Variants in ZNF879 observed in about 807,000 individuals in gnomAD.
ZNF879 encodes zinc finger protein 879.
A neutral mutation model predicts 44.3 loss-of-function variants in ZNF879; 32 were observed. That is an observed-to-expected ratio of 0.72 (90% CI 0.54 to 0.97). The LOEUF is 0.97. Among genes scored for constraint, ZNF879 ranks in the 50% least tolerant of loss-of-function variants. The probability of loss-of-function intolerance (pLI) is 0.00; values close to 1 mark genes in which losing one functional copy is unlikely to be tolerated. For synonymous variants in ZNF879, 234 were observed against 233.2 expected (o/e 1.00, Z -0.03); for missense variants, 621 against 669.7 (o/e 0.93, Z 0.80).
Position 179,032,516 on chromosome 5 carries a change from G to C in ZNF879, c.568G>C (p.Val190Leu). The change falls in exon 5 of 5, where the codon GTT (valine) becomes CTT (leucine). Residue 190 changes from valine to leucine, a missense_variant. Transcript: ENST00000444149. ...GRRPRSQQYS[V>L]LFKQLGVNTV... ...GAGACCCCGTTCACAGCAGTATTCA[G>C]TTCTCTTTAAACAACTGGGGGTCAA... 1 of 1,551,716 alleles carries C rather than the reference G, an allele frequency of 6.4e-7. No homozygotes were observed. Among genetic ancestry groups the C allele is most frequent in the Non-Finnish European group, 8.7e-7 (1 of 1,146,990 alleles).
Position 179,032,899 on chromosome 5 carries a change from G to A in ZNF879, c.951G>A (p.Lys317=), listed in dbSNP as rs551542581. ...TTCACACAGGAGAGAAGCCCTATAA[G>A]TGTAATGAATGTGGGAGGGCCTTCA... ...QRIHTGEKPY[K]CNECGRAFSQ... is the part of the protein sequence containing the mutation. Residue 317 remains lysine, a synonymous_variant, in exon 5 of 5, where the codon AAG becomes AAA. Coordinates refer to ENST00000444149, the MANE Select transcript of ZNF879 (RefSeq NM_001136116.3). 6.4e-7 allele frequency: 1 copy of A among 1,570,914 alleles called. No individual in the cohort carries two copies. Among genetic ancestry groups the A allele is most frequent in the South Asian group, 1.2e-5 (1 of 85,722 alleles).
intron 4 of ZNF879, 59 bp downstream of exon 4, chr5:179,028,186 G>C: frequency 6.8e-7 from 1 of 1,473,988 alleles, no homozygotes; most frequent in Non-Finnish European, 9.3e-7. Flanking sequence ...AGGGCACAGC[G>C]AGGAGGCTGC....
At position 179,032,454 on chromosome 5, in the gene ZNF879, C is replaced by T. The variant is rs879127533; in HGVS notation, c.506C>T (p.Ser169Leu). Residue 169 changes from serine to leucine, a missense_variant, in exon 5 of 5, where the codon TCG (serine) becomes TTG (leucine). Ser to Leu is a moderately radical substitution (Grantham distance 145). Transcript: ENST00000444149. The stretch of plus-strand genomic sequence containing the variant: ...GGGAAAAATCTTGGTCTAAAATCAT[C>T]GCTTATTAGAAAACCGAGAATAGTT... ...EFGKNLGLKS[S>L]LIRKPRIVSR... The T allele has an allele frequency of 2.1e-5, 32 of 1,551,522 alleles. No individual in the cohort carries two copies. Among genetic ancestry groups the T allele is most frequent in the Admixed American group, 3.9e-5 (2 of 50,972 alleles).
intron 2 of ZNF879, among the ~76,000 whole-genome samples, chr5:179,026,153 A>G (rs1761264449): frequency 2.0e-5 from 3 of 152,052 alleles, no homozygotes; most frequent in African/African-American, 7.2e-5. Context: ...CGCCTTTGTG[A>G]TTCTGTACAG....
At position 179,033,498 on chromosome 5, in the gene ZNF879, G is replaced by T. The variant is rs1454224371; in HGVS notation, c.1550G>T (p.Cys517Phe). The part of the protein sequence containing the change: ...TGEKPYNCKV[C>F]GKAFRQSSSL... ...GAGAAACCATATAATTGTAAAGTGT[G>T]TGGGAAAGCCTTCAGACAGAGTTCA... The change falls in exon 5 of 5, where the codon TGT becomes TTT. Residue 517 changes from cysteine (C) to phenylalanine (F), a missense_variant. Coordinates refer to ENST00000444149, the MANE Select transcript of ZNF879 (RefSeq NM_001136116.3). 1 of 1,561,088 alleles carries T rather than the reference G, an allele frequency of 6.4e-7. No homozygotes were observed.
At chr5:179,025,511 A>G (rs1761240260) in intron 2 of ZNF879, among the ~76,000 whole-genome samples, 1 of 152,204 alleles carries the variant, frequency 6.6e-6, no homozygotes, top group South Asian at 2.1e-4. Flanking sequence ...GCTTTTTGAC[A>G]AAGAATTTAA....
chr5:179,033,843 T>A lies in ZNF879; in HGVS notation c.*203T>A. The A allele has an allele frequency of 2.3e-6, 1 of 442,690 alleles. No homozygotes were observed. Among genetic ancestry groups the A allele is most frequent in the Non-Finnish European group, 3.9e-6 (1 of 253,608 alleles). The allele number at this position is 442,690 out of a possible 1,614,324, so 27.4% of individuals were successfully genotyped here. ...CTTCTATAAAATGTTTATTCATATG[T>A]TCTTAAGTTATTACCATGAAATGGA... On this transcript the variant is annotated 3_prime_UTR_variant, in exon 5 of 5. Transcript: ENST00000444149.
Position 179,027,562 on chromosome 5 carries a change from G to A in ZNF879, c.123G>A (p.Glu41=). 6.2e-7 allele frequency: 1 copy of A among 1,614,136 alleles called. No homozygotes were observed. Among genetic ancestry groups the A allele is most frequent in the Non-Finnish European group, 8.5e-7 (1 of 1,180,028 alleles). The change falls in exon 3 of 5, where the codon GAG becomes GAA. Residue 41 remains glutamate, a synonymous_variant. Transcript: ENST00000444149. ...CTGCCCAGAGAGCCTTGTACCGGGA[G>A]GTGATGCTGGAGAACTACAGCATCC... is the stretch of plus-strand genomic sequence containing the variant. The part of the protein sequence containing the change: ...LDSAQRALYR[E]VMLENYSILV...
At position 179,024,954 on chromosome 5, in the gene ZNF879, T is replaced by G. The variant is rs2113042165; in HGVS notation, c.-35-16T>G. 1 of 1,548,680 alleles carries G rather than the reference T, an allele frequency of 6.5e-7. No individual in the cohort carries two copies. Among genetic ancestry groups the G allele is most frequent in the Admixed American group, 2.0e-5 (1 of 50,994 alleles). On this transcript the variant is annotated splice_polypyrimidine_tract_variant and intron_variant, in intron 1 of 4. Coordinates refer to ENST00000444149, the MANE Select transcript of ZNF879 (RefSeq NM_001136116.3). The stretch of plus-strand genomic sequence containing the variant: ...GGCTGGATGAAAAGACCTCACAGCT[T>G]TTTTCTCCATTCCAGGTGCCTTCTC...
rs1300914021 is a variant in ZNF879 at position 179,033,584 on chromosome 5, G to A, written c.1636G>A (p.Gly546Arg). 4 of 1,547,458 alleles carry A rather than the reference G, an allele frequency of 2.6e-6. No homozygotes were observed. Among genetic ancestry groups the A allele is most frequent in the Non-Finnish European group, 3.5e-6 (4 of 1,146,016 alleles). Residue 546 changes from glycine to arginine, a missense_variant, in exon 5 of 5, where the codon GGG becomes AGG. Coordinates refer to ENST00000444149, the MANE Select transcript of ZNF879 (RefSeq NM_001136116.3). ...GEKPYKCKEC[G>R]KAFSQSSSLT... ...AAAACCTTATAAATGTAAAGAATGT[G>A]GGAAGGCTTTTAGTCAGAGCTCATC...
chr5:179,025,306 A>G (rs6861539), intron 2 of ZNF879, among the ~76,000 whole-genome samples: 44,696 of 151,250 alleles, frequency 0.3, 7,207 homozygotes, highest in African/African-American at 0.43. Context: ...TGCAGCCTCA[A>G]CCTCCCTGGT....
intron 4 of ZNF879, among the ~76,000 whole-genome samples, chr5:179,031,086 TC>T (rs1761403871): frequency 6.6e-6 from 1 of 152,226 alleles, no homozygotes; most frequent in Non-Finnish European, 1.5e-5. Flanking sequence ...ACCACCATCT[TC>T]ATCCAGGAAG....
chr5:179,029,098 C>CTTTTTT (rs1561735057), intron 4 of ZNF879, among the ~76,000 whole-genome samples: 6 of 142,872 alleles, frequency 4.2e-5, no homozygotes, highest in Non-Finnish European at 4.5e-5. Context: ...ATTCTGGCAT[C>CTTTTTT]TGTTTTTTTT....
chr5:179,028,301 C>A (rs1761325614), intron 4 of ZNF879, among the ~76,000 whole-genome samples, 174 bp downstream of exon 4: 1 of 152,202 alleles, frequency 6.6e-6, no homozygotes, highest in Non-Finnish European at 1.5e-5. Context: ...GGGTTGAATT[C>A]TCCCAATATG....
At chr5:179,027,660 G>C in intron 3 of ZNF879, 61 bp downstream of exon 3, 3 of 1,582,626 alleles carry the variant, frequency 1.9e-6, no homozygotes, top group Non-Finnish European at 2.6e-6. Flanking sequence ...CCCTCAGGGG[G>C]CACATTTGGA....
At chr5:179,025,779 T>A (rs1407244580) in intron 2 of ZNF879, among the ~76,000 whole-genome samples, 1 of 152,006 alleles carries the variant, frequency 6.6e-6, no homozygotes, top group Non-Finnish European at 1.5e-5. Flanking sequence ...TAGCTAGGGA[T>A]GGTGGTGCAT....
intron 4 of ZNF879, among the ~76,000 whole-genome samples, chr5:179,029,492 G>A (rs544292601): frequency 7.4e-4 from 112 of 152,148 alleles, no homozygotes; most frequent in Non-Finnish European, 1.4e-3. Context: ...AAATAGATCT[G>A]TAGTAAGGAC....
rs1364557470 is a variant in ZNF879, at chr5:179,034,266, C to T, written c.*626C>T. Reference sequence around the variant, plus strand: ...TTTCTTCCTGACTACTTGTTCCAAACTCTGAGTCAGATCTAAAGTCACTTT... The same window carrying T: ...TTTCTTCCTGACTACTTGTTCCAAATTCTGAGTCAGATCTAAAGTCACTTT... On this transcript the variant is annotated 3_prime_UTR_variant, in exon 5 of 5. Transcript: ENST00000444149. 6 of 151,290 alleles carry T rather than the reference C, an allele frequency of 4.0e-5. No individual in the cohort carries two copies. The East Asian group carries it at 1.2e-3, about 29-fold the overall frequency. The allele number at this position is 151,290 out of a possible 1,614,324, so 9.4% of individuals were successfully genotyped here.
chr5:179,029,981 G>A (rs542684391), intron 4 of ZNF879, among the ~76,000 whole-genome samples: 3 of 152,152 alleles, frequency 2.0e-5, no homozygotes, highest in African/African-American at 2.4e-5. Context: ...ATGGTTATGG[G>A]AATACAAAGC....
Sources: allele counts gnomAD v4.1 joint callset (sites outside exome capture counted in the v4.1 genomes callset), GRCh38; gene constraint gnomAD v4.1.1; transcripts MANE v1.5; gene names NCBI Gene and HGNC (gene_info 2026-07-23, HGNC 2026-07-21).